GALNTL6: variants seen among roughly 807,000 people sequenced by gnomAD.
GALNTL6 encodes polypeptide N-acetylgalactosaminyltransferase-like 6.
A neutral mutation model predicts 73.7 loss-of-function variants in GALNTL6; 46 were observed. That is an observed-to-expected ratio of 0.62 (90% CI 0.49 to 0.80). The LOEUF is 0.80. Among genes scored for constraint, GALNTL6 ranks in the 30% least tolerant of loss-of-function variants. The pLI is 0.00. For missense variants in GALNTL6, 604 were observed against 755.0 expected (o/e 0.80, Z 2.34); for synonymous variants, 259 against 263.7 (o/e 0.98, Z 0.17).
chr4:172,162,366 C>T (rs1313381605), intron 2 of GALNTL6, among the ~76,000 whole-genome samples: 1 of 151,700 alleles, frequency 6.6e-6, no homozygotes, highest in Non-Finnish European at 1.5e-5. Context: ...AACTATGGAC[C>T]TTCATAGGAT....
chr4:171,837,348 T>C (rs1406065773), intron 2 of GALNTL6, among the ~76,000 whole-genome samples: 1 of 151,536 alleles, frequency 6.6e-6, no homozygotes, highest in Non-Finnish European at 1.5e-5. Flanking sequence ...GGCATGAGAG[T>C]GAACTAGATC....
intron 3 of GALNTL6, among the ~76,000 whole-genome samples, chr4:172,242,566 A>G (rs1189437230): frequency 6.6e-6 from 1 of 152,154 alleles, no homozygotes; most frequent in African/African-American, 2.4e-5. Flanking sequence ...TTATACTCTC[A>G]TCTAATCAAT....
At chr4:172,436,279 C>T (rs1731631899) in intron 5 of GALNTL6, among the ~76,000 whole-genome samples, 1 of 152,112 alleles carries the variant, frequency 6.6e-6, no homozygotes, top group Admixed American at 6.6e-5. Context: ...ATGCTTTTGA[C>T]ATAGTCAAAA....
chr4:172,842,549 T>C (rs1048666246), intron 7 of GALNTL6, among the ~76,000 whole-genome samples: 2 of 152,110 alleles, frequency 1.3e-5, no homozygotes, highest in Non-Finnish European at 2.9e-5. Flanking sequence ...TGATGCAAAT[T>C]CTAGGAAATC....
At chr4:172,918,682 G>A (rs570821408) in intron 8 of GALNTL6, among the ~76,000 whole-genome samples, 20 of 152,272 alleles carry the variant, frequency 1.3e-4, no homozygotes, top group African/African-American at 3.6e-4. Context: ...AGACTATATC[G>A]TGTAATCACC....
intron 5 of GALNTL6, among the ~76,000 whole-genome samples, chr4:172,552,478 G>T (rs2110902897): frequency 6.6e-6 from 1 of 152,118 alleles, no homozygotes; most frequent in African/African-American, 2.4e-5. Context: ...AATGCTGAAG[G>T]TATTTTATTA....
chr4:172,931,359 G>GCT (rs1748329509), intron 9 of GALNTL6, 91 bp downstream of exon 9: 1 of 787,958 alleles, frequency 1.3e-6, no homozygotes, highest in South Asian at 1.4e-5. Context: ...TCTGAGAAAA[G>GCT]CTCTCCAGTG....
intron 5 of GALNTL6, among the ~76,000 whole-genome samples, chr4:172,538,039 G>C (rs950626252): frequency 2.0e-5 from 3 of 152,160 alleles, no homozygotes; most frequent in African/African-American, 7.2e-5. Flanking sequence ...CCAAGGTGAG[G>C]GTTGCAGCAA....
At chr4:172,790,142 C>T (rs1451526018) in intron 5 of GALNTL6, among the ~76,000 whole-genome samples, 1 of 152,188 alleles carries the variant, frequency 6.6e-6, no homozygotes, top group East Asian at 1.9e-4. Flanking sequence ...GTTATTCATC[C>T]AGGGCGTCTG....
intron 2 of GALNTL6, among the ~76,000 whole-genome samples, chr4:172,182,117 A>G (rs1735266702): frequency 6.6e-6 from 1 of 152,222 alleles, no homozygotes; most frequent in South Asian, 2.1e-4. Flanking sequence ...CACCAGTAAT[A>G]GACAAACAAA....
At chr4:173,004,311 A>G (rs1328783538) in intron 10 of GALNTL6, among the ~76,000 whole-genome samples, 2 of 152,178 alleles carry the variant, frequency 1.3e-5, no homozygotes, top group Admixed American at 6.5e-5. Context: ...AGCTCTGCAA[A>G]TAAATTTGCA....
intron 2 of GALNTL6, among the ~76,000 whole-genome samples, chr4:172,093,367 T>C (rs11936574): frequency 0.05 from 7,633 of 152,258 alleles, 591 homozygotes; most frequent in African/African-American, 0.17. Flanking sequence ...TTTTAGATAC[T>C]CTTTAACCTA....
intron 5 of GALNTL6, among the ~76,000 whole-genome samples, chr4:172,495,561 T>C (rs978613356): frequency 6.6e-6 from 1 of 152,178 alleles, no homozygotes; most frequent in Non-Finnish European, 1.5e-5. Context: ...AGGACAATGG[T>C]GTCCTGTGTG....
At position 172,606,652 on chromosome 4, in the gene GALNTL6, GTATATATATACTATATATATATAC is replaced by G. The variant is rs1202482024; in HGVS notation, c.554-202698_554-202675del. 6.9e-3 allele frequency among the ~76,000 whole-genome samples: 239 copies of G among 34,792 alleles called. 4 individuals carry two copies. The highest frequency in any genetic ancestry group is 0.013 in the African/African-American group (212 of 16,676). The allele number at this position is 34,792 out of a possible 152,430, so 22.8% of individuals were successfully genotyped here. A position where few individuals can be genotyped will look rare whatever the true frequency, so the allele number is the denominator to read the frequency against. ...ATACTATATATATACTATATATATAGTATATATATACTATATATATATACTATATATATAGTATATATATATAGT... is the reference window on the plus strand; with the variant it reads ...ATACTATATATATACTATATATATAGTATATATATAGTATATATATATAGT... On this transcript the variant is annotated intron_variant, in intron 5 of 12. Transcript: ENST00000506823.
intron 5 of GALNTL6, among the ~76,000 whole-genome samples, chr4:172,482,849 A>G (rs746621908): frequency 5.3e-5 from 8 of 152,244 alleles, no homozygotes; most frequent in Non-Finnish European, 1.0e-4. Context: ...AGCACAAAGT[A>G]AAAACCTGGC....
chr4:172,634,615 C>G (rs1023645999), intron 5 of GALNTL6, among the ~76,000 whole-genome samples: 2 of 152,156 alleles, frequency 1.3e-5, no homozygotes, highest in Admixed American at 6.5e-5. Flanking sequence ...TTTGAACACT[C>G]ATTCACAAGG....
chr4:172,167,786 G>A (rs925347407), intron 2 of GALNTL6, among the ~76,000 whole-genome samples: 12 of 138,390 alleles, frequency 8.7e-5, no homozygotes, highest in Non-Finnish European at 1.6e-4. Context: ...GTGAAACCCC[G>A]TCTCTACTAA....
chr4:171,926,154 T>A (rs1028852132), intron 2 of GALNTL6, among the ~76,000 whole-genome samples: 1 of 152,106 alleles, frequency 6.6e-6, no homozygotes, highest in African/African-American at 2.4e-5. Context: ...TCAATTAAAT[T>A]ATATGCTTAA....
chr4:171,879,128 A>G lies in GALNTL6; in HGVS notation c.138+64410A>G, dbSNP rs192661258. Among the ~76,000 whole-genome samples the G allele has an allele frequency of 5.9e-3, 905 of 152,310 alleles. 10 individuals carry two copies. The highest frequency in any genetic ancestry group is 0.02 in the African/African-American group (820 of 41,568). On this transcript the variant is annotated intron_variant, in intron 2 of 12. Transcript: ENST00000506823. ...ATACCGTATTGAAGAGAATCACAGA[A>G]TAGGATGTGATTAACAAATTTAATT...
Sources: gnomAD v4.1 joint callset for allele counts (sites outside exome capture counted in the v4.1 genomes callset) on GRCh38, gnomAD v4.1.1 for gene constraint, MANE v1.5 for transcripts, NCBI Gene and HGNC (gene_info 2026-07-23, HGNC 2026-07-21) for gene names.